STXBP6: variants seen among roughly 807,000 people sequenced by gnomAD.
STXBP6 encodes syntaxin-binding protein 6.
A neutral mutation model predicts 26.9 loss-of-function variants in STXBP6; 21 were observed. The ratio of observed to expected loss-of-function variants is 0.78; its 90% confidence interval spans 0.55 to 1.12. STXBP6 has a LOEUF of 1.12. Ranked by LOEUF, STXBP6 falls within the 50% of genes most tolerant of loss-of-function variation. The probability of loss-of-function intolerance (pLI) is 0.00; values close to 1 mark genes in which losing one functional copy is unlikely to be tolerated. For missense variants in STXBP6, 232 were observed against 257.9 expected (o/e 0.90, Z 0.69); for synonymous variants, 97 against 92.6 (o/e 1.05, Z -0.27).
intron 2 of STXBP6, among the ~76,000 whole-genome samples, chr14:24,931,407 A>G (rs887764358): frequency 1.9e-4 from 29 of 152,240 alleles, no homozygotes; most frequent in African/African-American, 6.5e-4. Flanking sequence ...ATTAAAAGCA[A>G]TATCTGGATG....
chr14:24,893,137 C>T (rs546973669), intron 2 of STXBP6, among the ~76,000 whole-genome samples: 30 of 152,314 alleles, frequency 2.0e-4, no homozygotes, highest in African/African-American at 6.5e-4. Context: ...GAGATAGTGA[C>T]TGTCTAAAAA....
intron 2 of STXBP6, among the ~76,000 whole-genome samples, chr14:24,973,273 T>A (rs2073952292): frequency 6.6e-6 from 1 of 152,138 alleles, no homozygotes; most frequent in African/African-American, 2.4e-5. Flanking sequence ...AAATATCTTC[T>A]GACAATAACC....
Position 24,819,036 on chromosome 14 carries a change from C to A in STXBP6, c.609+1G>T, listed in dbSNP as rs2068062943. The A allele has an allele frequency of 6.3e-7, 1 of 1,582,976 alleles. No individual in the cohort carries two copies. Among genetic ancestry groups the A allele is most frequent in the African/African-American group, 1.3e-5 (1 of 74,280 alleles). On this transcript the variant is annotated splice_donor_variant, in intron 5 of 5. Transcript: ENST00000323944. LOFTEE classifies it high-confidence loss of function. ...AGAAGCCTGCTCCTCTCTTGGCCCA[C>A]CTTGTGCGCAGTTTCTGCAAACTGC...
chr14:24,893,476 C>A (rs1266677948), intron 2 of STXBP6, among the ~76,000 whole-genome samples: 1 of 152,138 alleles, frequency 6.6e-6, no homozygotes, highest in Non-Finnish European at 1.5e-5. Context: ...TCTTATTCGC[C>A]AAGCAGTGCT....
chr14:24,891,063 G>A (rs1595054074), intron 2 of STXBP6, among the ~76,000 whole-genome samples: 1 of 152,254 alleles, frequency 6.6e-6, no homozygotes, highest in East Asian at 1.9e-4. Context: ...TCTTGTATCT[G>A]TCTTCCTCTT....
At chr14:24,955,187 G>A (rs777821384) in intron 2 of STXBP6, among the ~76,000 whole-genome samples, 1 of 152,166 alleles carries the variant, frequency 6.6e-6, no homozygotes, top group Non-Finnish European at 1.5e-5. Flanking sequence ...GGAGGAGAGA[G>A]TAACATCCTT....
chr14:24,817,977 G>T, intron 5 of STXBP6: 1 of 448,788 alleles, frequency 2.2e-6, no homozygotes, highest in South Asian at 1.6e-5. Flanking sequence ...ACCTGAGCGT[G>T]AGCCTCCAGA....
At chr14:24,978,752 T>C (rs930423206) in intron 1 of STXBP6, among the ~76,000 whole-genome samples, 8 of 152,212 alleles carry the variant, frequency 5.3e-5, no homozygotes, top group Non-Finnish European at 2.9e-5. Flanking sequence ...TGCCATCACA[T>C]CTATACATAC....
Position 24,974,761 on chromosome 14 carries a change from G to A in STXBP6, c.58C>T (p.Leu20=). ...EIFAPLDERM[L]GAVQVKRRTK... ...CTCCTCTTGACTTGGACAGCTCCCA[G>A]CATCCTTTCATCAAGAGGTGCAAAA... The change falls in exon 2 of 6, where the codon CTG becomes TTG. Residue 20 remains leucine (L), a synonymous_variant. Transcript: ENST00000323944. 6.2e-7 allele frequency: 1 copy of A among 1,605,452 alleles called. No homozygotes were observed. Among genetic ancestry groups the A allele is most frequent in the Non-Finnish European group, 8.5e-7 (1 of 1,175,110 alleles).
At chr14:24,934,194 G>T (rs192617107) in intron 2 of STXBP6, among the ~76,000 whole-genome samples, 62 of 152,264 alleles carry the variant, frequency 4.1e-4, no homozygotes, top group Non-Finnish European at 6.0e-4. Context: ...TGAACTTGTA[G>T]ATTTTATAGA....
At chr14:25,032,568 G>C (rs1031982953) in intron 1 of STXBP6, among the ~76,000 whole-genome samples, 2 of 152,178 alleles carry the variant, frequency 1.3e-5, no homozygotes, top group African/African-American at 2.4e-5. Context: ...CAACCCGTCC[G>C]GGGAAGCCTC....
intron 1 of STXBP6, among the ~76,000 whole-genome samples, chr14:24,994,186 TC>T (rs1266179581): frequency 6.6e-6 from 1 of 152,182 alleles, no homozygotes; most frequent in Non-Finnish European, 1.5e-5. Context: ...AGAAAGAGAC[TC>T]TAAAAATGGG....
At chr14:24,988,064 T>C (rs2074378242) in intron 1 of STXBP6, 1 of 162,946 alleles carries the variant, frequency 6.1e-6, no homozygotes, top group Admixed American at 6.5e-5. Flanking sequence ...GTTCAGCAAT[T>C]AGGCAAAGGA....
chr14:24,856,058 T>G lies in STXBP6; in HGVS notation c.329A>C (p.Gln110Pro). 1.9e-6 allele frequency: 3 copies of G among 1,608,674 alleles called. No homozygotes were observed. The highest frequency in any genetic ancestry group is 2.5e-6 in the Non-Finnish European group (3 of 1,177,558). ...TTCTGACGCTGTGCTGGCTACCCAC[T>G]GGTCAAAAGCATTTTCAAACAACAA... ...FDLLFENAFD[Q>P]WVASTASEKC... Residue 110 changes from glutamine to proline, a missense_variant, in exon 4 of 6, where the codon CAG (glutamine) becomes CCG (proline). Coordinates refer to ENST00000323944, the MANE Select transcript of STXBP6 (RefSeq NM_001394410.1).
chr14:24,925,236 CCTT>C (rs2072119356), intron 2 of STXBP6, among the ~76,000 whole-genome samples: 2 of 152,196 alleles, frequency 1.3e-5, no homozygotes, highest in African/African-American at 4.8e-5. Flanking sequence ...TCTTGACAGT[CCTT>C]CTACTGCTCA....
intron 2 of STXBP6, among the ~76,000 whole-genome samples, chr14:24,889,202 A>C (rs1296483192): frequency 6.6e-6 from 1 of 151,942 alleles, no homozygotes; most frequent in East Asian, 1.9e-4. Context: ...AGAATCACTG[A>C]GCCAAGTCTC....
intron 1 of STXBP6, among the ~76,000 whole-genome samples, chr14:24,977,283 T>C (rs887174682): frequency 6.6e-5 from 10 of 152,158 alleles, no homozygotes; most frequent in Admixed American, 6.5e-4. Context: ...TTTTATCATA[T>C]AAAATCTGTC....
At chr14:25,040,538 G>T (rs1475184574) in intron 1 of STXBP6, among the ~76,000 whole-genome samples, 2 of 152,134 alleles carry the variant, frequency 1.3e-5, no homozygotes, top group Non-Finnish European at 2.9e-5. Context: ...TTTGTAAAGT[G>T]CTTAGAACCA....
rs531251098 is a variant in STXBP6, at chr14:24,819,680, C to T, written c.452-486G>A. Among the ~76,000 whole-genome samples the T allele has an allele frequency of 3.9e-5, 6 of 152,306 alleles. No individual in the cohort carries two copies. In the South Asian group the frequency reaches 1.2e-3, roughly 32 times the overall value. ...TTTTCTAGATAGAATGCTCTATATTCCTTCCAATGCTTCTTCTTCATTTTA... is the reference window on the plus strand; with the variant it reads ...TTTTCTAGATAGAATGCTCTATATTTCTTCCAATGCTTCTTCTTCATTTTA... On this transcript the variant is annotated intron_variant, in intron 4 of 5. Coordinates refer to ENST00000323944, the MANE Select transcript of STXBP6 (RefSeq NM_001394410.1).
Sources: gnomAD v4.1 joint callset for allele counts (sites outside exome capture counted in the v4.1 genomes callset) on GRCh38, gnomAD v4.1.1 for gene constraint, MANE v1.5 for transcripts, NCBI Gene and HGNC (gene_info 2026-07-23, HGNC 2026-07-21) for gene names.